The following IRGM variants were observed in gnomAD, a reference collection of about 807,000 sequenced individuals.
IRGM encodes immunity-related GTPase family M protein.
For missense variants in IRGM, 288 were observed against 219.9 expected, an observed-to-expected ratio of 1.31 and a Z score of -1.96; for synonymous variants, 98 against 80.6, an observed-to-expected ratio of 1.22 and a Z score of -1.16.
chr5:150,848,642 C>G lies in IRGM; in HGVS notation c.519C>G (p.Leu173=), dbSNP rs1225293142. The G allele has an allele frequency of 6.5e-7, 1 of 1,543,604 alleles. No individual in the cohort carries two copies. The highest frequency in any genetic ancestry group is 2.0e-5 in the Admixed American group (1 of 50,552). The change falls in exon 2 of 2, where the codon CTC becomes CTG. Residue 173 remains leucine (L), a synonymous_variant. Transcript: ENST00000522154. ...LQIRENVLEN[L]QKERVCEY Reference sequence around the variant, plus strand: ...TCAGAGAAAATGTCCTGGAAAATCTCCAGAAGGAGCGGGTATGTGAATACT... The same window carrying G: ...TCAGAGAAAATGTCCTGGAAAATCTGCAGAAGGAGCGGGTATGTGAATACT...
intron 1 of IRGM, among the ~76,000 whole-genome samples, chr5:150,869,645 C>T (rs375176606): frequency 3.9e-5 from 6 of 152,250 alleles, no homozygotes; most frequent in African/African-American, 1.2e-4. Context: ...ATTACCATTT[C>T]AATCTTGCTG....
intron 1 of IRGM, among the ~76,000 whole-genome samples, chr5:150,875,354 G>T (rs1754348377): frequency 6.6e-6 from 1 of 152,204 alleles, no homozygotes; most frequent in Admixed American, 6.5e-5. Flanking sequence ...TGTGCACTTT[G>T]CGTGGAAGGA....
intron 1 of IRGM, among the ~76,000 whole-genome samples, chr5:150,872,315 ACG>A (rs1754296976): frequency 6.6e-6 from 1 of 152,162 alleles, no homozygotes; most frequent in Non-Finnish European, 1.5e-5. Context: ...TCCCTGACCC[ACG>A]CTGCCATCAG....
chr5:150,898,224 C>A (rs368626773), intron 3 of IRGM: 21 of 1,608,660 alleles, frequency 1.3e-5, no homozygotes, highest in Non-Finnish European at 1.8e-5. Context: ...ATTGACTGCA[C>A]TGAAGGAAAA....
chr5:150,879,050 T>C (rs1268448142), intron 2 of IRGM, among the ~76,000 whole-genome samples: 1 of 152,170 alleles, frequency 6.6e-6, no homozygotes, highest in Non-Finnish European at 1.5e-5. Context: ...CTTAGGTCAC[T>C]CTTGACTCTT....
intron 1 of IRGM, among the ~76,000 whole-genome samples, chr5:150,861,065 T>C (rs1448486861): frequency 6.6e-6 from 1 of 152,190 alleles, no homozygotes; most frequent in Admixed American, 6.5e-5. Flanking sequence ...TGTGATTTAG[T>C]TGGCCTCACC....
At chr5:150,872,810 A>G (rs1754304637) in intron 1 of IRGM, among the ~76,000 whole-genome samples, 1 of 152,216 alleles carries the variant, frequency 6.6e-6, no homozygotes, top group African/African-American at 2.4e-5. Context: ...GGAGGGATCA[A>G]AAGGCTTAGG....
chr5:150,893,466 G>A (rs1206863953), intron 3 of IRGM, among the ~76,000 whole-genome samples: 2 of 152,234 alleles, frequency 1.3e-5, no homozygotes, highest in South Asian at 2.1e-4. Context: ...GGTTGTTGAG[G>A]TGTTGATATA....
chr5:150,854,419 T>C (rs1376267304), intron 1 of IRGM, among the ~76,000 whole-genome samples: 5 of 152,162 alleles, frequency 3.3e-5, no homozygotes. Context: ...TATTTTCCTA[T>C]GTGTTCAAGT....
intron 1 of IRGM, among the ~76,000 whole-genome samples, chr5:150,874,348 G>C (rs1475572234): frequency 2.0e-5 from 3 of 152,122 alleles, no homozygotes; most frequent in Non-Finnish European, 2.9e-5. Context: ...TGGATTTGTT[G>C]GTGGGACATT....
chr5:150,898,318 T>A, intron 3 of IRGM: 1 of 1,597,142 alleles, frequency 6.3e-7, no homozygotes, highest in Non-Finnish European at 8.6e-7. Context: ...TGCAAAGGTA[T>A]GAAGGTCATA....
At chr5:150,883,266 A>G (rs1440466668) in intron 3 of IRGM, among the ~76,000 whole-genome samples, 1 of 151,992 alleles carries the variant, frequency 6.6e-6, no homozygotes, top group Non-Finnish European at 1.5e-5. Flanking sequence ...AAGCAGTTCT[A>G]AAAGAAAAGT....
chr5:150,889,677 A>T (rs192271838), intron 3 of IRGM, among the ~76,000 whole-genome samples: 82 of 152,106 alleles, frequency 5.4e-4, no homozygotes, highest in Admixed American at 1.6e-3. Context: ...TTAAAAAAAC[A>T]CTCAGTCTTT....
chr5:150,861,927 C>T (rs899598141), intron 1 of IRGM, among the ~76,000 whole-genome samples: 2 of 152,192 alleles, frequency 1.3e-5, no homozygotes, highest in African/African-American at 4.8e-5. Context: ...CTACCACAAA[C>T]TAGAGACTTA....
intron 3 of IRGM, chr5:150,897,935 C>A: frequency 8.7e-7 from 1 of 1,143,098 alleles, no homozygotes; most frequent in Non-Finnish European, 1.2e-6. Flanking sequence ...AAAGGCTTCA[C>A]AATTACTTGT....
At chr5:150,867,613 C>G (rs1449590202) in intron 1 of IRGM, among the ~76,000 whole-genome samples, 1 of 151,576 alleles carries the variant, frequency 6.6e-6, no homozygotes, top group African/African-American at 2.4e-5. Context: ...TGAAAGTGTT[C>G]TGTTTTCACA....
downstream of IRGM, among the ~76,000 whole-genome samples, chr5:150,848,941 T>C (rs1270495229): frequency 6.6e-6 from 1 of 152,050 alleles, no homozygotes; most frequent in Non-Finnish European, 1.5e-5. Flanking sequence ...TGCAAGATTA[T>C]ATCATCAGGG....
intron 3 of IRGM, among the ~76,000 whole-genome samples, chr5:150,886,185 G>A (rs556034958): frequency 8.5e-5 from 13 of 152,108 alleles, no homozygotes; most frequent in East Asian, 5.8e-4. Context: ...CTTTAGTTCC[G>A]TTTATGTGAT....
intron 1 of IRGM, among the ~76,000 whole-genome samples, chr5:150,859,525 T>C (rs1300625294): frequency 3.9e-5 from 6 of 152,242 alleles, no homozygotes; most frequent in Non-Finnish European, 5.9e-5. Flanking sequence ...TTTGTACCTC[T>C]GGTAGAATTT....
Sources: allele counts gnomAD v4.1 joint callset (sites outside exome capture counted in the v4.1 genomes callset), GRCh38; gene constraint gnomAD v4.1.1; transcripts MANE v1.5; gene names NCBI Gene and HGNC (gene_info 2026-07-23, HGNC 2026-07-21).